The following PDE1C variants were observed in gnomAD, a reference collection of about 807,000 sequenced individuals.
PDE1C encodes the protein dual specificity calcium/calmodulin-dependent 3',5'-cyclic nucleotide phosphodiesterase 1C.
PDE1C carries 62 observed loss-of-function variants against 93.1 expected under a neutral mutation model. The observed-to-expected ratio is 0.67, with a 90% CI of 0.54 to 0.82. The LOEUF (loss-of-function observed/expected upper bound fraction) is 0.82. PDE1C is among the 40% of genes least tolerant of loss of function. The pLI is 0.00. For missense variants in PDE1C, 742 were observed against 884.6 expected, an observed-to-expected ratio of 0.84 and a Z score of 2.04; for synonymous variants, 325 against 310.1, an observed-to-expected ratio of 1.05 and a Z score of -0.50.
At chr7:32,389,301 C>T (rs1328494992) in intron 1 of PDE1C, among the ~76,000 whole-genome samples, 1 of 152,108 alleles carries the variant, frequency 6.6e-6, no homozygotes, top group Non-Finnish European at 1.5e-5. Context: ...GCACCAAACT[C>T]TACCTCCCAG....
intron 1 of PDE1C, among the ~76,000 whole-genome samples, chr7:32,261,542 G>A (rs779233860): frequency 3.3e-5 from 5 of 152,128 alleles, no homozygotes; most frequent in Non-Finnish European, 5.9e-5. Context: ...GCAATTCCCC[G>A]TCTTGATAAA....
Position 31,816,010 on chromosome 7 carries a change from A to T in PDE1C, c.1727T>A (p.Val576Asp). The T allele has an allele frequency of 6.2e-7, 1 of 1,613,860 alleles. No individual in the cohort carries two copies. The highest frequency in any genetic ancestry group is 8.5e-7 in the Non-Finnish European group (1 of 1,179,896). The change falls in exon 15 of 18, where the codon GTC becomes GAC. Residue 576 changes from valine to aspartate, a missense_variant. This residue lies in a region of PDE1C where 454 missense variants were observed against 459.4 expected (regional missense o/e 0.99). Coordinates refer to ENST00000396191, the MANE Select transcript of PDE1C (RefSeq NM_001191057.4). ...KKTSGETKNQ[V>D]NGTRANKSDN... ...ACTTTTGTTTGCCCGTGTTCCATTG[A>T]CTTGATTCTTAGTTTCTCCAGACGT...
At chr7:32,205,793 A>T (rs968298778) in intron 2 of PDE1C, among the ~76,000 whole-genome samples, 12 of 152,194 alleles carry the variant, frequency 7.9e-5, no homozygotes, top group African/African-American at 2.7e-4. Flanking sequence ...AACTCCAGAC[A>T]TGCCACCTTT....
chr7:32,316,409 T>C (rs1373235674), intron 1 of PDE1C, among the ~76,000 whole-genome samples: 1 of 152,184 alleles, frequency 6.6e-6, no homozygotes, highest in Non-Finnish European at 1.5e-5. Flanking sequence ...CATTCTTCCA[T>C]ATCATACCAG....
the PDE1C span, among the ~76,000 whole-genome samples, chr7:31,694,657 A>G: frequency 1.3e-5 from 2 of 152,140 alleles, no homozygotes; most frequent in African/African-American, 2.4e-5. Context: ...CAGGTAAACC[A>G]TTATGGAAGA....
At chr7:32,400,854 T>C (rs1784928189) in intron 1 of PDE1C, among the ~76,000 whole-genome samples, 1 of 152,338 alleles carries the variant, frequency 6.6e-6, no homozygotes, top group Admixed American at 6.5e-5. Context: ...CCCGACATAG[T>C]TCCTGCTGAA....
intron 1 of PDE1C, among the ~76,000 whole-genome samples, chr7:32,233,189 A>G (rs1807828347): frequency 6.6e-6 from 1 of 152,226 alleles, no homozygotes; most frequent in Non-Finnish European, 1.5e-5. Flanking sequence ...GAAAGTCTCA[A>G]TGGAGTGAAA....
At chr7:32,261,230 C>A (rs948506861) in intron 1 of PDE1C, among the ~76,000 whole-genome samples, 2 of 152,124 alleles carry the variant, frequency 1.3e-5, no homozygotes, top group African/African-American at 4.8e-5. Flanking sequence ...AAGATCAGTG[C>A]TTGAGATATT....
chr7:32,169,896 T>C (rs1371839132), exon 3 of PDE1C: 11 of 1,612,690 alleles, frequency 6.8e-6, no homozygotes, highest in Non-Finnish European at 9.3e-6. Flanking sequence ...TGGCTTCTCC[T>C]TGACATTCCC....
chr7:32,359,170 CT>C (rs1784086290), intron 1 of PDE1C, among the ~76,000 whole-genome samples: 1 of 152,162 alleles, frequency 6.6e-6, no homozygotes, highest in African/African-American at 2.4e-5. Context: ...TTTCTCTACC[CT>C]TGATGTCTCT....
At chr7:32,396,777 A>G (rs546395965) in intron 1 of PDE1C, among the ~76,000 whole-genome samples, 1 of 152,360 alleles carries the variant, frequency 6.6e-6, no homozygotes, top group South Asian at 2.1e-4. Flanking sequence ...AAACCAGCAT[A>G]AGAATAAATC....
intron 1 of PDE1C, among the ~76,000 whole-genome samples, chr7:32,415,288 T>G (rs1363853789): frequency 6.6e-6 from 1 of 151,964 alleles, no homozygotes; most frequent in African/African-American, 2.4e-5. Context: ...CAGTATCCAC[T>G]AAAAATTCAA....
At chr7:31,928,928 A>G (rs908700670) in intron 2 of PDE1C, among the ~76,000 whole-genome samples, 3 of 152,216 alleles carry the variant, frequency 2.0e-5, no homozygotes, top group African/African-American at 4.8e-5. Context: ...AAATTCACAC[A>G]CAACAATATT....
At chr7:32,171,351 C>T (rs1046384807) in intron 2 of PDE1C, among the ~76,000 whole-genome samples, 13 of 151,832 alleles carry the variant, frequency 8.6e-5, no homozygotes, top group African/African-American at 3.1e-4. Flanking sequence ...TACTGCTGAG[C>T]CTCCATATCC....
At chr7:31,822,700 T>C (rs1789124916) in intron 14 of PDE1C, among the ~76,000 whole-genome samples, 1 of 152,164 alleles carries the variant, frequency 6.6e-6, no homozygotes. Flanking sequence ...AGGTGGCTAT[T>C]AGCGGGTCTT....
chr7:32,410,442 G>T (rs913420636), intron 1 of PDE1C, among the ~76,000 whole-genome samples: 16 of 151,998 alleles, frequency 1.1e-4, no homozygotes, highest in Middle Eastern at 3.4e-3. Context: ...GGAGGAGGAG[G>T]TGGAGGAGGA....
chr7:32,204,433 A>C (rs1425172902), intron 2 of PDE1C, among the ~76,000 whole-genome samples: 4 of 152,194 alleles, frequency 2.6e-5, no homozygotes, highest in African/African-American at 9.7e-5. Context: ...ACTCCAGCAT[A>C]CAGCTGCCCA....
At chr7:32,010,275 G>T (rs1786900651) in intron 2 of PDE1C, among the ~76,000 whole-genome samples, 1 of 152,306 alleles carries the variant, frequency 6.6e-6, no homozygotes, top group South Asian at 2.1e-4. Context: ...AAGGCAGATT[G>T]GTATTAGCAT....
intron 5 of PDE1C, 131 bp downstream of exon 5, chr7:31,877,839 G>A: frequency 1.6e-6 from 1 of 610,666 alleles, no homozygotes; most frequent in Non-Finnish European, 2.8e-6. Flanking sequence ...ATAATAAAAA[G>A]ATAATGAAAG....
Sources: gnomAD v4.1 joint callset for allele counts (sites outside exome capture counted in the v4.1 genomes callset) on GRCh38, gnomAD v4.1.1 for gene constraint, gnomAD v4.1.1 regional missense constraint, MANE v1.5 for transcripts, NCBI Gene and HGNC (gene_info 2026-07-23, HGNC 2026-07-21) for gene names.